Variants in TRAPPC11 observed in about 807,000 individuals in gnomAD.
TRAPPC11 encodes trafficking protein particle complex subunit 11, also known as foie gras homolog.
Under a neutral mutation model 151.2 loss-of-function variants are expected in TRAPPC11, and 104 were observed. The ratio of observed to expected loss-of-function variants is 0.69; its 90% CI spans 0.59 to 0.81. TRAPPC11 has a LOEUF of 0.81. TRAPPC11 is among the 30% of genes least tolerant of loss of function. The pLI, the probability that TRAPPC11 is intolerant of heterozygous loss-of-function variation, is 0.00. For missense variants in TRAPPC11, 1,230 were observed against 1,349.6 expected, an observed-to-expected ratio of 0.91 and a Z score of 1.39; for synonymous variants, 456 against 472.3, an observed-to-expected ratio of 0.97 and a Z score of 0.45.
chr4:183,674,915 C>CTGAA, intron 6 of TRAPPC11, 103 bp downstream of exon 6: 1 of 708,252 alleles, frequency 1.4e-6, no homozygotes, highest in Non-Finnish European at 2.3e-6. Context: ...TAAATGGTTT[C>CTGAA]AGCATTTCTA....
chr4:183,701,626 T>C, intron 25 of TRAPPC11, 71 bp from the exon 26 acceptor site: 1 of 1,018,164 alleles, frequency 9.8e-7, no homozygotes. Context: ...TTTGTTCTGT[T>C]ACTTGGATGT....
chr4:183,686,946 C>T (rs574193490), intron 18 of TRAPPC11, among the ~76,000 whole-genome samples, 198 bp downstream of exon 18: 23 of 152,146 alleles, frequency 1.5e-4, no homozygotes, highest in South Asian at 2.1e-4. Flanking sequence ...TTTGGGAGGC[C>T]GAGGCAGGCA....
chr4:183,687,093 A>C (rs563002812), intron 18 of TRAPPC11, among the ~76,000 whole-genome samples: 88 of 152,256 alleles, frequency 5.8e-4, no homozygotes, highest in African/African-American at 2.1e-3. Context: ...AGGCAGGAGA[A>C]TCACTTGAAC....
Position 183,710,872 on chromosome 4 carries a change from C to T in TRAPPC11, c.3358-1728C>T, listed in dbSNP as rs150312813. On this transcript the variant is annotated intron_variant, in intron 29 of 29. Coordinates refer to ENST00000334690, the MANE Select transcript of TRAPPC11 (RefSeq NM_021942.6). ...GGTGAAACCCCATCTCTAGTAAAAACACAAAAATTAGCCGGGTGTGGTGTG... is the reference window on the plus strand; with the variant it reads ...GGTGAAACCCCATCTCTAGTAAAAATACAAAAATTAGCCGGGTGTGGTGTG... 2.4e-3 allele frequency among the ~76,000 whole-genome samples: 363 copies of T among 151,644 alleles called. 1 individual carries two copies. Among genetic ancestry groups the T allele is most frequent in the African/African-American group, 8.3e-3 (345 of 41,416 alleles).
At chr4:183,661,470 C>A (rs1239245852) in intron 1 of TRAPPC11, among the ~76,000 whole-genome samples, 2 of 141,914 alleles carry the variant, frequency 1.4e-5, no homozygotes, top group African/African-American at 5.2e-5. Context: ...CTCCCGGGTT[C>A]ACGCCATTCT....
chr4:183,693,847 TCA>T, intron 21 of TRAPPC11, 68 bp from the exon 22 acceptor site: 1 of 1,599,464 alleles, frequency 6.3e-7, no homozygotes, highest in South Asian at 1.1e-5. Flanking sequence ...ATAGTGCTCT[TCA>T]CACAGTATTG....
chr4:183,670,765 C>T (rs949839563), intron 5 of TRAPPC11, among the ~76,000 whole-genome samples: 2 of 151,970 alleles, frequency 1.3e-5, no homozygotes, highest in African/African-American at 4.8e-5. Flanking sequence ...ACCACCACAC[C>T]CGGCTAATTT....
intron 14 of TRAPPC11, 111 bp downstream of exon 14, chr4:183,684,470 G>A: frequency 6.4e-6 from 7 of 1,090,458 alleles, no homozygotes; most frequent in Non-Finnish European, 9.3e-6. Flanking sequence ...TTCTATTGTT[G>A]TTAAACTCCA....
intron 5 of TRAPPC11, among the ~76,000 whole-genome samples, chr4:183,669,842 G>C (rs538149136): frequency 1.3e-4 from 20 of 152,274 alleles, no homozygotes; most frequent in Non-Finnish European, 2.6e-4. Context: ...AAATTTAGGC[G>C]GTCATGGATT....
chr4:183,697,352 C>A, intron 23 of TRAPPC11, 151 bp from the exon 24 acceptor site: 1 of 766,126 alleles, frequency 1.3e-6, no homozygotes, highest in Non-Finnish European at 2.0e-6. Flanking sequence ...TCTCTCGACA[C>A]AGATTTTTAC....
rs767345920 is a variant in TRAPPC11, at chr4:183,663,969, A to G, written c.102A>G (p.Arg34=). 2 of 1,613,986 alleles carry G rather than the reference A, an allele frequency of 1.2e-6. No individual in the cohort carries two copies. The highest frequency in any genetic ancestry group is 2.2e-5 in the South Asian group (2 of 91,090). Residue 34 remains arginine (R), a synonymous_variant, in exon 2 of 30, where the codon CGA becomes CGG. Coordinates refer to ENST00000334690, the MANE Select transcript of TRAPPC11 (RefSeq NM_021942.6). ...ATGTAGTTTATAATGCAGTCCATCG[A>G]GCTGTCTGGGACGCCTTCTGTGCAA... ...GLDVVYNAVH[R]AVWDAFCANR... is the part of the protein sequence containing the mutation.
intron 3 of TRAPPC11, chr4:183,666,829 T>C (rs1312847152): frequency 6.3e-6 from 3 of 473,538 alleles, no homozygotes; most frequent in African/African-American, 5.8e-5. Context: ...TACATTAATC[T>C]TTTGCTTTTA....
At chr4:183,673,138 A>G (rs931620914) in intron 5 of TRAPPC11, among the ~76,000 whole-genome samples, 7 of 151,608 alleles carry the variant, frequency 4.6e-5, no homozygotes, top group Non-Finnish European at 8.8e-5. Context: ...AATTTTTTGT[A>G]TTTTTATTAG....
chr4:183,693,006 T>C lies in TRAPPC11; in HGVS notation c.2096T>C (p.Val699Ala). The C allele has an allele frequency of 6.2e-6, 10 of 1,613,556 alleles. No individual in the cohort carries two copies. The highest frequency in any genetic ancestry group is 7.6e-6 in the Non-Finnish European group (9 of 1,179,770). Residue 699 changes from valine (V) to alanine (A), a missense_variant, in exon 20 of 30, where the codon GTG becomes GCG. Physicochemically the swap from Val to Ala is moderately conservative, Grantham distance 64. Coordinates refer to ENST00000334690, the MANE Select transcript of TRAPPC11 (RefSeq NM_021942.6). Reference protein sequence around the residue: ...LALGNETGRCVVLNWQGGGGD... With the variant: ...LALGNETGRCAVLNWQGGGGD... ...CTGGGCAATGAGACGGGAAGATGTG[T>C]GGTTTTAAATTGGCAGGGAGGAGGA...
At position 183,694,822 on chromosome 4, in the gene TRAPPC11, T is replaced by C. The variant is rs111907027; in HGVS notation, c.2628+99T>C. On this transcript the variant is annotated intron_variant, in intron 23 of 29. Transcript: ENST00000334690. ...TAAAATAAGCATAAAATAAGCAGTT[T>C]AGGTGCTTATAGTCTGTTATAAATT... 3.4e-6 allele frequency: 4 copies of C among 1,177,732 alleles called. No individual in the cohort carries two copies. In the African/African-American group the frequency reaches 4.7e-5, roughly 14 times the overall value. The allele number at this position is 1,177,732 out of a possible 1,614,324, so 73.0% of individuals were successfully genotyped here. A position where few individuals can be genotyped will look rare whatever the true frequency, so the allele number is the denominator to read the frequency against.
chr4:183,680,045 C>T, intron 9 of TRAPPC11, 75 bp from the exon 10 acceptor site: 1 of 1,332,182 alleles, frequency 7.5e-7, no homozygotes, highest in Non-Finnish European at 1.0e-6. Context: ...GGTTAAGTTT[C>T]CCAGGATGAA....
rs4416514 is a variant in TRAPPC11, at chr4:183,667,152, A to T, written c.445+22A>T. 0.11 allele frequency: 171,237 copies of T among 1,574,516 alleles called. 10,119 individuals carry two copies. The highest frequency in any genetic ancestry group is 0.14 in the Admixed American group (8,393 of 59,490). On this transcript the variant is annotated intron_variant, in intron 4 of 29. Coordinates refer to ENST00000334690, the MANE Select transcript of TRAPPC11 (RefSeq NM_021942.6). ...CCAGGTATCAGAAGTCTAATTAATGAATTAATTGTTTTATACCTCCAATTC... is the reference window on the plus strand; with the variant it reads ...CCAGGTATCAGAAGTCTAATTAATGTATTAATTGTTTTATACCTCCAATTC...
In TRAPPC11 at chr4:183,686,636, T is replaced by G. The variant is rs1248093293; in HGVS notation, c.1781T>G (p.Phe594Cys). 1.2e-6 allele frequency: 2 copies of G among 1,614,050 alleles called. No individual in the cohort carries two copies. The highest frequency in any genetic ancestry group is 1.1e-5 in the South Asian group (1 of 91,078). Residue 594 changes from phenylalanine (F) to cysteine (C), a missense_variant, in exon 18 of 30, where the codon TTT becomes TGT. By Grantham distance (205) the Phe-to-Cys change is radical. Transcript: ENST00000334690. The part of the protein sequence containing the change: ...FVPFVQCKAK[F>C]HAPSFHVDVP... Reference sequence around the variant, plus strand: ...TTTCTAGTGCAGTGCAAAGCCAAGTTTCATGCCCCAAGTTTTCATGTTGAT... The same window carrying G: ...TTTCTAGTGCAGTGCAAAGCCAAGTGTCATGCCCCAAGTTTTCATGTTGAT...
intron 1 of TRAPPC11, among the ~76,000 whole-genome samples, chr4:183,660,508 TA>T (rs1204736426): frequency 6.6e-6 from 1 of 152,242 alleles, no homozygotes; most frequent in African/African-American, 2.4e-5. Context: ...TTTTACTTTT[TA>T]ATATGACTGC....
Sources: allele counts gnomAD v4.1 joint callset (sites outside exome capture counted in the v4.1 genomes callset), GRCh38; gene constraint gnomAD v4.1.1; transcripts MANE v1.5; gene names NCBI Gene and HGNC (gene_info 2026-07-23, HGNC 2026-07-21).